GPC5: variants seen among roughly 807,000 people sequenced by gnomAD.
GPC5 encodes glypican 5.
A neutral mutation model predicts 53.9 loss-of-function variants in GPC5; 47 were observed. The observed-to-expected ratio is 0.87, with a 90% CI of 0.69 to 1.11. The LOEUF (loss-of-function observed/expected upper bound fraction) is 1.11, where lower values mean the gene tolerates loss of function less well. GPC5 is among the 50% of genes most tolerant of loss of function. The pLI, the probability that GPC5 is intolerant of heterozygous loss-of-function variation, is 0.00. For missense variants in GPC5, 748 were observed against 713.1 expected, an observed-to-expected ratio of 1.05 and a Z score of -0.56; for synonymous variants, 286 against 263.3, an observed-to-expected ratio of 1.09 and a Z score of -0.84.
intron 5 of GPC5, among the ~76,000 whole-genome samples, chr13:91,896,267 G>A (rs765034833): frequency 3.3e-5 from 5 of 151,728 alleles, no homozygotes; most frequent in African/African-American, 9.7e-5. Flanking sequence ...CTACAGGCAC[G>A]TGCCACCAAG....
intron 7 of GPC5, among the ~76,000 whole-genome samples, chr13:92,517,114 G>A (rs149311384): frequency 1.7e-3 from 259 of 152,232 alleles, no homozygotes; most frequent in African/African-American, 5.8e-3. Flanking sequence ...ACTGCAAGGC[G>A]GCAGTGAGGC....
At chr13:92,242,483 GA>G (rs1355372772) in intron 7 of GPC5, among the ~76,000 whole-genome samples, 7 of 151,790 alleles carry the variant, frequency 4.6e-5, no homozygotes, top group African/African-American at 1.7e-4. Context: ...ACTACCTATA[GA>G]AAAATCTTCT....
intron 7 of GPC5, among the ~76,000 whole-genome samples, chr13:92,860,529 T>C (rs1879147770): frequency 6.6e-6 from 1 of 152,160 alleles, no homozygotes; most frequent in African/African-American, 2.4e-5. Context: ...TCCTCATACT[T>C]TCTTTAAAAA....
intron 7 of GPC5, among the ~76,000 whole-genome samples, chr13:92,473,461 G>A (rs1465579479): frequency 1.3e-5 from 2 of 152,030 alleles, no homozygotes; most frequent in Non-Finnish European, 2.9e-5. Context: ...TTGGACTAAT[G>A]GTCTGGTGTG....
intron 1 of GPC5, among the ~76,000 whole-genome samples, chr13:91,448,045 GT>G (rs1334373984): frequency 6.6e-6 from 1 of 152,040 alleles, no homozygotes. Context: ...ACTAGCAAAG[GT>G]TTTTTTGTAA....
intron 7 of GPC5, among the ~76,000 whole-genome samples, chr13:92,382,118 G>GA (rs1286684465): frequency 6.6e-6 from 1 of 151,440 alleles, no homozygotes; most frequent in Non-Finnish European, 1.5e-5. Flanking sequence ...CTCAGGTATG[G>GA]AAAAACCAAA....
chr13:92,391,758 T>G (rs1272217414), intron 7 of GPC5, among the ~76,000 whole-genome samples: 2 of 152,196 alleles, frequency 1.3e-5, no homozygotes, highest in East Asian at 3.8e-4. Flanking sequence ...TCTGGCTTCC[T>G]TATTTTTAAG....
chr13:92,706,694 A>G (rs1780776746), intron 7 of GPC5, among the ~76,000 whole-genome samples: 2 of 152,172 alleles, frequency 1.3e-5, no homozygotes, highest in African/African-American at 4.8e-5. Flanking sequence ...GAACACTCTA[A>G]TATTTTCCGC....
chr13:92,848,439 A>G (rs1878680453), intron 7 of GPC5, among the ~76,000 whole-genome samples: 1 of 152,156 alleles, frequency 6.6e-6, no homozygotes, highest in Non-Finnish European at 1.5e-5. Context: ...ACTTATTTTT[A>G]CTAAGTTATA....
chr13:91,777,582 C>T (rs934676013), intron 5 of GPC5, among the ~76,000 whole-genome samples: 3 of 152,112 alleles, frequency 2.0e-5, no homozygotes, highest in Non-Finnish European at 2.9e-5. Flanking sequence ...TCCGTGAAGG[C>T]GCTGCAAAGT....
At chr13:92,608,701 G>A (rs181923334) in intron 7 of GPC5, among the ~76,000 whole-genome samples, 10 of 152,146 alleles carry the variant, frequency 6.6e-5, no homozygotes, top group Admixed American at 1.3e-4. Context: ...TGCATGTGCG[G>A]AATCTGAGCT....
At chr13:91,450,398 TA>T (rs1179166898) in intron 2 of GPC5, among the ~76,000 whole-genome samples, 1 of 152,172 alleles carries the variant, frequency 6.6e-6, no homozygotes, top group Non-Finnish European at 1.5e-5. Flanking sequence ...ACGCAGTGGA[TA>T]TATCAGTCTG....
intron 7 of GPC5, among the ~76,000 whole-genome samples, chr13:92,157,793 T>C (rs959879354): frequency 1.3e-5 from 2 of 152,194 alleles, no homozygotes; most frequent in African/African-American, 4.8e-5. Flanking sequence ...TATCACTTGG[T>C]TGAGTTAAAC....
chr13:91,607,438 T>C (rs1318810420), intron 2 of GPC5, among the ~76,000 whole-genome samples: 1 of 152,202 alleles, frequency 6.6e-6, no homozygotes, highest in African/African-American at 2.4e-5. Context: ...GTGCTTTTCC[T>C]ATCAAAAGGG....
At chr13:91,616,718 T>C (rs2033706239) in intron 2 of GPC5, among the ~76,000 whole-genome samples, 1 of 152,202 alleles carries the variant, frequency 6.6e-6, no homozygotes, top group Non-Finnish European at 1.5e-5. Flanking sequence ...ATTTAATTGC[T>C]AGTAATTTAG....
chr13:92,185,208 A>G (rs1306317774), intron 7 of GPC5, among the ~76,000 whole-genome samples: 1 of 152,094 alleles, frequency 6.6e-6, no homozygotes, highest in Non-Finnish European at 1.5e-5. Context: ...GTTAGTCAGA[A>G]CTAGTGGCAT....
rs143062557 is a variant in GPC5 at position 91,897,921 on chromosome 13, C to T, written c.1281-10016C>T. Among the ~76,000 whole-genome samples the T allele has an allele frequency of 2.5e-3, 376 of 152,116 alleles. 4 individuals carry two copies. The highest frequency in any genetic ancestry group is 8.1e-3 in the African/African-American group (335 of 41,500). On this transcript the variant is annotated intron_variant, in intron 5 of 7. Transcript: ENST00000377067. The stretch of plus-strand genomic sequence containing the variant: ...ACCTCAACACTTTAACTGTGAGCTT[C>T]TTTTTTTACTGTACTTCAGTGTATT...
intron 7 of GPC5, among the ~76,000 whole-genome samples, chr13:92,182,105 T>C (rs1186789330): frequency 6.6e-6 from 1 of 152,230 alleles, no homozygotes. Flanking sequence ...TTTATTTTTT[T>C]TGCCAGGGAA....
intron 6 of GPC5, among the ~76,000 whole-genome samples, chr13:92,125,485 A>T (rs1402303487): frequency 2.6e-5 from 4 of 152,206 alleles, no homozygotes; most frequent in Non-Finnish European, 4.4e-5. Context: ...AACGTGAATG[A>T]TGTAAAAGAT....
Sources: allele counts gnomAD v4.1 joint callset (sites outside exome capture counted in the v4.1 genomes callset), GRCh38; gene constraint gnomAD v4.1.1; transcripts MANE v1.5; gene names NCBI Gene and HGNC (gene_info 2026-07-23, HGNC 2026-07-21).